The following PROX1 variants were observed in gnomAD, a reference collection of about 807,000 sequenced individuals.
PROX1 encodes prospero homeobox 1.
Under a neutral mutation model 58.8 loss-of-function variants are expected in PROX1, and 7 were observed. That is an observed-to-expected ratio of 0.12 (90% confidence interval 0.07 to 0.22). The LOEUF (loss-of-function observed/expected upper bound fraction) is 0.22. PROX1 is among the 10% of genes least tolerant of loss of function. The probability of loss-of-function intolerance (pLI) is 1.00; values close to 1 mark genes in which losing one functional copy is unlikely to be tolerated. For synonymous variants in PROX1, 350 were observed against 358.3 expected, an observed-to-expected ratio of 0.98 and a Z score of 0.26; for missense variants, 675 against 927.8, an observed-to-expected ratio of 0.73 and a Z score of 3.54.
intron 4 of PROX1, among the ~76,000 whole-genome samples, chr1:214,016,756 G>C (rs781237831): frequency 6.6e-6 from 1 of 152,188 alleles, no homozygotes; most frequent in African/African-American, 2.4e-5. Flanking sequence ...GAAGGGCTAG[G>C]GGGTGGAGTG....
intron 1 of PROX1, among the ~76,000 whole-genome samples, chr1:213,990,187 C>G (rs1662977181): frequency 6.6e-6 from 1 of 150,656 alleles, no homozygotes; most frequent in South Asian, 2.1e-4. Flanking sequence ...ATTTCCTTTC[C>G]TAACCTAGGT....
At chr1:213,985,556 CG>C (rs1265440737), upstream of PROX1, 5 of 152,186 alleles carry the variant, frequency 3.3e-5, no homozygotes, top group Admixed American at 3.3e-4. Context: ...CGTCGCGAGC[CG>C]GGAGCCTCTG....
intron 2 of PROX1, among the ~76,000 whole-genome samples, chr1:214,000,177 A>G (rs1427460944): frequency 6.6e-6 from 1 of 152,212 alleles, no homozygotes; most frequent in Non-Finnish European, 1.5e-5. Flanking sequence ...CTTTAGTTCA[A>G]GATGCCAGTT....
chr1:213,996,533 G>T lies in PROX1; in HGVS notation c.-3G>T. On this transcript the variant is annotated 5_prime_UTR_variant, in exon 2 of 5. Transcript: ENST00000366958. The stretch of plus-strand genomic sequence containing the variant: ...TTGAAGATGGCACAATAACCGTCCA[G>T]TGATGCCTGACCATGACAGCACAGC... 6.2e-7 allele frequency: 1 copy of T among 1,610,954 alleles called. No homozygotes were observed. The highest frequency in any genetic ancestry group is 8.5e-7 in the Non-Finnish European group (1 of 1,177,876).
At chr1:213,989,117 C>T (rs1203624831) in intron 1 of PROX1, among the ~76,000 whole-genome samples, 3 of 152,040 alleles carry the variant, frequency 2.0e-5, no homozygotes, top group Non-Finnish European at 2.9e-5. Context: ...CTTTTTTAAC[C>T]CCAGCAGAGG....
At chr1:214,014,408 C>T (rs183220248) in intron 4 of PROX1, among the ~76,000 whole-genome samples, 3 of 152,212 alleles carry the variant, frequency 2.0e-5, no homozygotes, top group South Asian at 2.1e-4. Context: ...CTACACGGTG[C>T]CCCAAGATCC....
intron 2 of PROX1, among the ~76,000 whole-genome samples, chr1:214,003,297 A>T (rs1663589817): frequency 1.3e-5 from 2 of 152,238 alleles, no homozygotes; most frequent in South Asian, 4.1e-4. Flanking sequence ...TCTGAAAGAA[A>T]AGATTAGAAC....
chr1:214,020,563 A>G (rs1159791344), intron 4 of PROX1, among the ~76,000 whole-genome samples: 1 of 152,242 alleles, frequency 6.6e-6, no homozygotes, highest in Non-Finnish European at 1.5e-5. Context: ...GTGAAGGTGT[A>G]CTGGTTTCTA....
intron 4 of PROX1, among the ~76,000 whole-genome samples, chr1:214,018,768 G>A (rs1411913906): frequency 6.6e-6 from 1 of 152,168 alleles, no homozygotes; most frequent in Non-Finnish European, 1.5e-5. Flanking sequence ...TGGAGGAAGA[G>A]ACCGACAGGA....
intron 4 of PROX1, among the ~76,000 whole-genome samples, chr1:214,024,520 T>C (rs1664387615): frequency 6.6e-6 from 1 of 152,126 alleles, no homozygotes; most frequent in East Asian, 1.9e-4. Context: ...TTTCCTACCA[T>C]CTGTATCACA....
At chr1:214,011,085 A>C (rs1663892574) in intron 3 of PROX1, among the ~76,000 whole-genome samples, 1 of 152,232 alleles carries the variant, frequency 6.6e-6, no homozygotes, top group Admixed American at 6.5e-5. Context: ...CTCACTTAAA[A>C]AAAAAAAGTA....
chr1:214,035,555 T>C (rs2102787817), intron 4 of PROX1, 94 bp from the exon 5 acceptor site: 1 of 1,316,952 alleles, frequency 7.6e-7, no homozygotes, highest in Middle Eastern at 2.6e-4. Context: ...GTAAGCCCCT[T>C]TCTGCAAGAA....
At chr1:213,993,235 G>T (rs1239421465) in intron 1 of PROX1, among the ~76,000 whole-genome samples, 2 of 152,114 alleles carry the variant, frequency 1.3e-5, no homozygotes, top group African/African-American at 2.4e-5. Flanking sequence ...ATACATTTGG[G>T]TTCAAATTCT....
chr1:213,998,050 T>C lies in PROX1; in HGVS notation c.1515T>C (p.Ser505=). ...SPLGAPSGSF[S]GKDRASPESL... is the part of the protein sequence containing the mutation. ...TAGGTGCTCCCTCCGGCTCCTTCTC[T>C]GGAAAAGACAGAGCCTCTCCTGAAT... Residue 505 remains serine, a synonymous_variant, in exon 2 of 5, where the codon TCT becomes TCC. Transcript: ENST00000366958. The C allele has an allele frequency of 6.2e-7, 1 of 1,612,272 alleles. No homozygotes were observed. The highest frequency in any genetic ancestry group is 8.5e-7 in the Non-Finnish European group (1 of 1,178,930).
chr1:213,999,261 C>CTTG (rs932002258), intron 2 of PROX1, among the ~76,000 whole-genome samples: 2 of 151,870 alleles, frequency 1.3e-5, no homozygotes, highest in South Asian at 2.1e-4. Context: ...TTTTAAAAAT[C>CTTG]TTGTGGTCGT....
At position 214,000,042 on chromosome 1, in the gene PROX1, T is replaced by TCACA. The variant is rs1558172446; in HGVS notation, c.1725+1782_1725+1783insCACA. 2.6e-3 allele frequency among the ~76,000 whole-genome samples: 348 copies of TCACA among 134,274 alleles called. 2 individuals carry two copies. Among genetic ancestry groups the TCACA allele is most frequent in the African/African-American group, 0.01 (335 of 33,072 alleles). 88.1% of individuals were successfully genotyped at this position (134,274 alleles called of 152,430 possible). A position where few individuals can be genotyped will look rare whatever the true frequency, so the allele number is the denominator to read the frequency against. On this transcript the variant is annotated intron_variant, in intron 2 of 4. Coordinates refer to ENST00000366958, the MANE Select transcript of PROX1 (RefSeq NM_001270616.2). ...GGTTCTTTCTGTCTCTCTCTCTCTC[T>TCACA]TACACACACACACACACACACACAG...
At chr1:213,991,888 T>C (rs1404592916) in intron 1 of PROX1, among the ~76,000 whole-genome samples, 4 of 152,222 alleles carry the variant, frequency 2.6e-5, no homozygotes, top group Non-Finnish European at 5.9e-5. Flanking sequence ...TGTTATAATA[T>C]GAAAATAGAT....
chr1:214,017,567 TA>T (rs397937784), intron 4 of PROX1, among the ~76,000 whole-genome samples: 280 of 143,782 alleles, frequency 1.9e-3, no homozygotes, highest in East Asian at 3.4e-3. Flanking sequence ...TTTCTCTCTT[TA>T]AAAAAAAAAA....
At chr1:214,001,173 A>G (rs1417996197) in intron 2 of PROX1, among the ~76,000 whole-genome samples, 1 of 152,164 alleles carries the variant, frequency 6.6e-6, no homozygotes, top group Non-Finnish European at 1.5e-5. Context: ...TATCAGGTCA[A>G]CCCATTCTAC....
Sources: gnomAD v4.1 joint callset for allele counts (sites outside exome capture counted in the v4.1 genomes callset) on GRCh38, gnomAD v4.1.1 for gene constraint, MANE v1.5 for transcripts, NCBI Gene and HGNC (gene_info 2026-07-23, HGNC 2026-07-21) for gene names.